Variants in RARB observed in about 807,000 individuals in gnomAD.
RARB encodes the protein retinoic acid receptor beta.
In RARB, 17 loss-of-function variants were observed where a neutral mutation model predicts 51.9. The observed-to-expected ratio is 0.33, with a 90% CI of 0.22 to 0.49. The LOEUF (loss-of-function observed/expected upper bound fraction) is 0.49. Among genes scored for constraint, RARB ranks in the 20% least tolerant of loss-of-function variants. The pLI is 0.99. For synonymous variants in RARB, 215 were observed against 195.4 expected (o/e 1.10, Z -0.84); for missense variants, 369 against 550.8 (o/e 0.67, Z 3.30).
intron 5 of RARB, among the ~76,000 whole-genome samples, chr3:25,257,157 A>G (rs1435704469): frequency 6.6e-6 from 1 of 152,120 alleles, no homozygotes; most frequent in Admixed American, 6.6e-5. Flanking sequence ...TAAGTTCAGC[A>G]TGACTCAGTA....
chr3:25,075,754 CTGTTT>C (rs1266853572), intron 3 of RARB, among the ~76,000 whole-genome samples: 1 of 151,796 alleles, frequency 6.6e-6, no homozygotes, highest in Non-Finnish European at 1.5e-5. Flanking sequence ...TTTCAGCACA[CTGTTT>C]TGGAGTTACT....
chr3:24,884,930 C>T (rs752218435), intron 2 of RARB, among the ~76,000 whole-genome samples: 1 of 152,134 alleles, frequency 6.6e-6, no homozygotes, highest in Admixed American at 6.6e-5. Flanking sequence ...GGCCATACTT[C>T]TTTTCCCCAC....
chr3:25,288,624 CT>C (rs1703711839), intron 5 of RARB, among the ~76,000 whole-genome samples: 1 of 152,158 alleles, frequency 6.6e-6, no homozygotes, highest in Admixed American at 6.5e-5. Flanking sequence ...CACAGACTGG[CT>C]TTCACCACTG....
At chr3:25,142,059 C>A (rs531405649) in intron 4 of RARB, among the ~76,000 whole-genome samples, 1 of 152,178 alleles carries the variant, frequency 6.6e-6, no homozygotes, top group African/African-American at 2.4e-5. Flanking sequence ...TGGCCGTGTG[C>A]GGTGGCTCAC....
rs10523484 is a variant in RARB, at chr3:25,338,096, AACACACACAC to A, written c.179-123067_179-123058del. Among the ~76,000 whole-genome samples the A allele has an allele frequency of 2.7e-4, 39 of 144,048 alleles. 1 individual carries two copies. The highest frequency in any genetic ancestry group is 3.5e-3 in the Middle Eastern group (1 of 284). 94.5% of individuals were successfully genotyped at this position (144,048 alleles called of 152,430 possible). A position where few individuals can be genotyped will look rare whatever the true frequency, so the allele number is the denominator to read the frequency against. Reference sequence around the variant, plus strand: ...GTATGTCACCCCCCTCCAAACCCCCAACACACACACACACACACACACACACACACACACA... The same window carrying A: ...GTATGTCACCCCCCTCCAAACCCCCAACACACACACACACACACACACACA... On this transcript the variant is annotated intron_variant, in intron 5 of 11. Transcript: ENST00000383772.
At chr3:25,215,265 T>G (rs1395833876) in intron 5 of RARB, among the ~76,000 whole-genome samples, 1 of 152,238 alleles carries the variant, frequency 6.6e-6, no homozygotes, top group African/African-American at 2.4e-5. Flanking sequence ...ATGAAATGTC[T>G]TTGTAGACAG....
chr3:25,333,617 G>C (rs1704970993), intron 5 of RARB, among the ~76,000 whole-genome samples: 1 of 152,214 alleles, frequency 6.6e-6, no homozygotes, highest in South Asian at 2.1e-4. Flanking sequence ...ATAGGCATGA[G>C]CAAGGACTTT....
In RARB at chr3:25,130,077, A is replaced by G. The variant is rs73143432; in HGVS notation, c.-327-2084A>G. ...TACCTTAGTATGGGAAACTATAGGC[A>G]AAAATGTTCTTTTCATTTAAAATAA... On this transcript the variant is annotated intron_variant, in intron 3 of 11. Coordinates refer to the RARB transcript ENST00000383772. 5.6e-3 allele frequency among the ~76,000 whole-genome samples: 849 copies of G among 152,216 alleles called. 10 individuals are homozygous for G. Among genetic ancestry groups the G allele is most frequent in the African/African-American group, 0.019 (803 of 41,562 alleles).
At chr3:25,298,616 C>T (rs1703971206) in intron 5 of RARB, among the ~76,000 whole-genome samples, 1 of 152,112 alleles carries the variant, frequency 6.6e-6, no homozygotes, top group Non-Finnish European at 1.5e-5. Context: ...GGGTATGACA[C>T]TAGCTTTGGG....
At chr3:25,207,905 G>T (rs1023127074) in intron 5 of RARB, among the ~76,000 whole-genome samples, 1 of 152,132 alleles carries the variant, frequency 6.6e-6, no homozygotes, top group African/African-American at 2.4e-5. Context: ...GGTTGTACAA[G>T]CGTGGTGCTG....
intron 4 of RARB, among the ~76,000 whole-genome samples, chr3:25,161,857 A>T (rs1167411750): frequency 6.6e-6 from 1 of 152,224 alleles, no homozygotes; most frequent in East Asian, 1.9e-4. Flanking sequence ...GGTGAGGACC[A>T]CGACCTAACC....
chr3:25,120,937 C>G (rs1190378396), intron 3 of RARB, among the ~76,000 whole-genome samples: 2 of 152,116 alleles, frequency 1.3e-5, no homozygotes, highest in African/African-American at 2.4e-5. Context: ...CTACAGAGAT[C>G]CTGTGGCCCA....
intron 3 of RARB, among the ~76,000 whole-genome samples, chr3:25,123,715 T>G (rs1375850884): frequency 1.3e-5 from 2 of 152,184 alleles, no homozygotes; most frequent in Non-Finnish European, 2.9e-5. Flanking sequence ...TCACACCCAG[T>G]ATTATTTTGC....
At chr3:25,253,275 G>T (rs1185123956) in intron 5 of RARB, among the ~76,000 whole-genome samples, 3 of 152,000 alleles carry the variant, frequency 2.0e-5, no homozygotes, top group African/African-American at 2.4e-5. Context: ...AGGAAAGGAG[G>T]GCTGAGTTGT....
In RARB at chr3:25,111,532, A is replaced by G. The variant is rs1388061603; in HGVS notation, c.-327-20629A>G. On this transcript the variant is annotated intron_variant, in intron 3 of 11. Coordinates refer to the RARB transcript ENST00000383772. Reference sequence around the variant, plus strand: ...AAAAGAAAACTGACAGCTCTATAATATATATTGCAATTTAAGTCTCCTAGC... The same window carrying G: ...AAAAGAAAACTGACAGCTCTATAATGTATATTGCAATTTAAGTCTCCTAGC... Among the ~76,000 whole-genome samples, 2 of 150,878 alleles carry G rather than the reference A, an allele frequency of 1.3e-5. 1 individual carries two copies. The highest frequency in any genetic ancestry group is 4.2e-4 in the South Asian group (2 of 4,776).
At chr3:25,150,436 G>A in intron 4 of RARB, among the ~76,000 whole-genome samples, 1 of 152,152 alleles carries the variant, frequency 6.6e-6, no homozygotes, top group East Asian at 1.9e-4. Flanking sequence ...AAAAAGGCCA[G>A]TTGTTTGGTT....
At chr3:25,480,386 G>A (rs527645311) in intron 2 of RARB, among the ~76,000 whole-genome samples, 18 of 152,212 alleles carry the variant, frequency 1.2e-4, no homozygotes, top group Admixed American at 9.8e-4. Flanking sequence ...TTCCAGGTAG[G>A]GTGTAGCACC....
chr3:25,172,520 G>A (rs1171370192), intron 4 of RARB, among the ~76,000 whole-genome samples: 1 of 152,168 alleles, frequency 6.6e-6, no homozygotes, highest in African/African-American at 2.4e-5. Context: ...GGGTTTATAA[G>A]AATCAAACTG....
intron 5 of RARB, among the ~76,000 whole-genome samples, chr3:25,592,355 C>T (rs1701644853): frequency 6.6e-6 from 1 of 152,130 alleles, no homozygotes; most frequent in Admixed American, 6.5e-5. Flanking sequence ...CACTTTTGTC[C>T]AGGTGGGATT....
Sources: gnomAD v4.1 joint callset for allele counts (sites outside exome capture counted in the v4.1 genomes callset) on GRCh38, gnomAD v4.1.1 for gene constraint, MANE v1.5 for transcripts, NCBI Gene and HGNC (gene_info 2026-07-23, HGNC 2026-07-21) for gene names.